PAPPA2: variants seen among roughly 807,000 people sequenced by gnomAD.
PAPPA2 encodes the protein pappalysin 2, also known as pappalysin-2.
Under a neutral mutation model 176.4 loss-of-function variants are expected in PAPPA2, and 86 were observed. The observed-to-expected ratio is 0.49, with a 90% CI of 0.41 to 0.58. The LOEUF (loss-of-function observed/expected upper bound fraction) is 0.58, where lower values mean the gene tolerates loss of function less well. Among genes scored for constraint, PAPPA2 ranks in the 20% least tolerant of loss-of-function variants. The pLI is 0.00. For synonymous variants in PAPPA2, 809 were observed against 852.2 expected (o/e 0.95, Z 0.88); for missense variants, 2,073 against 2,256.9 (o/e 0.92, Z 1.65).
At chr1:176,814,778 T>C (rs577715541) in intron 21 of PAPPA2, among the ~76,000 whole-genome samples, 8 of 152,212 alleles carry the variant, frequency 5.3e-5, no homozygotes, top group Middle Eastern at 3.2e-3. Context: ...GCTTTATTTC[T>C]TTCTCTTGCC....
At chr1:176,685,515 A>T (rs1264543583) in intron 4 of PAPPA2, among the ~76,000 whole-genome samples, 1 of 152,218 alleles carries the variant, frequency 6.6e-6, no homozygotes. Flanking sequence ...GTGTGTGCAG[A>T]TTCTAGCTTC....
chr1:176,696,554 T>C (rs1660395698), intron 7 of PAPPA2, among the ~76,000 whole-genome samples: 1 of 152,210 alleles, frequency 6.6e-6, no homozygotes, highest in Non-Finnish European at 1.5e-5. Flanking sequence ...CACTCACATA[T>C]GTATATTAAT....
intron 21 of PAPPA2, among the ~76,000 whole-genome samples, chr1:176,801,688 A>T (rs1665691429): frequency 6.6e-6 from 1 of 152,012 alleles, no homozygotes; most frequent in South Asian, 2.1e-4. Context: ...AGATAAACAG[A>T]CAGAAGACTG....
chr1:176,635,855 A>G (rs1410161010), intron 3 of PAPPA2, among the ~76,000 whole-genome samples: 1 of 152,088 alleles, frequency 6.6e-6, no homozygotes, highest in African/African-American at 2.4e-5. Context: ...TTATATAATA[A>G]TTTAATTATA....
chr1:176,507,052 T>G (rs1648308983), intron 1 of PAPPA2, among the ~76,000 whole-genome samples: 1 of 152,084 alleles, frequency 6.6e-6, no homozygotes. Context: ...AACAAAGGTT[T>G]AATATCCAGA....
chr1:176,634,610 T>TA (rs967098313), intron 3 of PAPPA2, among the ~76,000 whole-genome samples: 72 of 149,746 alleles, frequency 4.8e-4, no homozygotes, highest in Admixed American at 7.3e-4. Flanking sequence ...ATATATAAAA[T>TA]AAAAAAAAAC....
intron 9 of PAPPA2, 113 bp from the exon 10 acceptor site, chr1:176,706,246 C>A: frequency 1.2e-6 from 1 of 866,186 alleles, no homozygotes. Context: ...TACTTTTTTC[C>A]AACTTGCACT....
At chr1:176,795,187 C>CT (rs149356878) in intron 20 of PAPPA2, among the ~76,000 whole-genome samples, 6,879 of 152,076 alleles carry the variant, frequency 0.045, 251 homozygotes, top group Non-Finnish European at 0.068. Flanking sequence ...TTTCTCATCC[C>CT]TTTTTTTTCT....
intron 12 of PAPPA2, among the ~76,000 whole-genome samples, chr1:176,715,988 ATATT>A (rs1018082560): frequency 1.9e-4 from 29 of 150,546 alleles, no homozygotes; most frequent in Admixed American, 6.6e-5. Context: ...TAATATTAAT[ATATT>A]AATTAATTAA....
intron 12 of PAPPA2, among the ~76,000 whole-genome samples, chr1:176,738,267 G>A (rs761039221): frequency 9.6e-4 from 146 of 152,076 alleles, no homozygotes; most frequent in Admixed American, 1.6e-3. Context: ...AAAAAGGGGG[G>A]GAAAGACACT....
intron 3 of PAPPA2, among the ~76,000 whole-genome samples, chr1:176,660,248 G>C (rs1442862676): frequency 6.6e-6 from 1 of 152,000 alleles, no homozygotes; most frequent in Non-Finnish European, 1.5e-5. Context: ...GTGGAACACT[G>C]TTGGCAACTG....
chr1:176,733,097 T>G (rs1662237539), intron 12 of PAPPA2, among the ~76,000 whole-genome samples: 1 of 152,168 alleles, frequency 6.6e-6, no homozygotes, highest in African/African-American at 2.4e-5. Flanking sequence ...AGTTTCATCC[T>G]GAAACCATCC....
chr1:176,579,348 C>A (rs572313623), intron 2 of PAPPA2, among the ~76,000 whole-genome samples: 3 of 152,282 alleles, frequency 2.0e-5, no homozygotes, highest in East Asian at 3.9e-4. Context: ...TTCCCATTAG[C>A]CCCTCCTTAT....
intron 17 of PAPPA2, 129 bp downstream of exon 17, chr1:176,771,309 G>A (rs752357986): frequency 8.3e-6 from 7 of 841,780 alleles, no homozygotes; most frequent in Non-Finnish European, 1.1e-5. Flanking sequence ...AACCTGCTGT[G>A]CTTTCTGTAA....
chr1:176,610,141 G>A (rs1034150556), intron 3 of PAPPA2, among the ~76,000 whole-genome samples: 2 of 152,008 alleles, frequency 1.3e-5, no homozygotes, highest in Non-Finnish European at 1.5e-5. Context: ...TGAGTACAAT[G>A]AGCATGTCCT....
intron 1 of PAPPA2, among the ~76,000 whole-genome samples, chr1:176,524,230 A>G (rs1409735488): frequency 6.6e-6 from 1 of 152,100 alleles, no homozygotes; most frequent in Admixed American, 6.5e-5. Flanking sequence ...GTAATAAGCC[A>G]TATACGCTGC....
At chr1:176,770,655 A>G (rs961277098) in intron 16 of PAPPA2, among the ~76,000 whole-genome samples, 1 of 152,220 alleles carries the variant, frequency 6.6e-6, no homozygotes, top group Admixed American at 6.5e-5. Flanking sequence ...TTCTATGATA[A>G]CATCACTGCT....
In PAPPA2 at chr1:176,556,884, C is replaced by CA. The variant is rs748908073; in HGVS notation, c.565dup (p.Arg189LysfsTer40). Reference sequence around the variant, plus strand: ...CCTGAACGAACCCAAACCAGAGACCCAAAGGAGGGGCTGGGCCAAGTCCAG... The same window carrying CA: ...CCTGAACGAACCCAAACCAGAGACCCAAAAGGAGGGGCTGGGCCAAGTCCAG... On this transcript the variant is annotated frameshift_variant, in exon 2 of 23. Coordinates refer to ENST00000367662, the MANE Select transcript of PAPPA2 (RefSeq NM_020318.3). LOFTEE classifies it high-confidence loss of function. 1.2e-6 allele frequency: 2 copies of CA among 1,614,098 alleles called. No individual in the cohort carries two copies. The highest frequency in any genetic ancestry group is 1.7e-6 in the Non-Finnish European group (2 of 1,180,028).
At position 176,508,987 on chromosome 1, in the gene PAPPA2, A is replaced by G. The variant is rs180694564; in HGVS notation, c.-917+45569A>G. Among the ~76,000 whole-genome samples the G allele has an allele frequency of 3.8e-3, 584 of 152,232 alleles. 2 individuals are homozygous for G. Among genetic ancestry groups the G allele is most frequent in the Middle Eastern group, 0.014 (4 of 294 alleles). ...TATAGCAGTGTGAAAACGGACTAATACAATGGCTTTTGGAAAAATTTCAAG... is the reference window on the plus strand; with the variant it reads ...TATAGCAGTGTGAAAACGGACTAATGCAATGGCTTTTGGAAAAATTTCAAG... On this transcript the variant is annotated intron_variant, in intron 1 of 22. Transcript: ENST00000367662.
Sources: allele counts gnomAD v4.1 joint callset (sites outside exome capture counted in the v4.1 genomes callset), GRCh38; gene constraint gnomAD v4.1.1; transcripts MANE v1.5; gene names NCBI Gene and HGNC (gene_info 2026-07-23, HGNC 2026-07-21).